Variants in SAMD5 observed in about 807,000 individuals in gnomAD.
SAMD5 encodes the protein sterile alpha motif domain containing 5.
A neutral mutation model predicts 11.3 loss-of-function variants in SAMD5; 13 were observed. That is an observed-to-expected ratio of 1.15 (90% confidence interval 0.75 to 1.83). The LOEUF (loss-of-function observed/expected upper bound fraction) is 1.83. Ranked by LOEUF, SAMD5 falls within the 40% of genes most tolerant of loss-of-function variation. SAMD5 has a pLI of 0.00. For synonymous variants in SAMD5, 129 were observed against 111.3 expected (o/e 1.16, Z -1.00); for missense variants, 255 against 239.1 (o/e 1.07, Z -0.44).
At chr6:147,840,111 G>A in the SAMD5 span, among the ~76,000 whole-genome samples, 1 of 152,160 alleles carries the variant, frequency 6.6e-6, no homozygotes, top group Non-Finnish European at 1.5e-5. Flanking sequence ...GTCTGTATAC[G>A]TAAATTCCCT....
At chr6:147,936,899 C>T in the SAMD5 span, among the ~76,000 whole-genome samples, 1 of 152,036 alleles carries the variant, frequency 6.6e-6, no homozygotes, top group Non-Finnish European at 1.5e-5. Context: ...CGTCATCAGT[C>T]TTGGTATTCA....
At chr6:147,945,548 G>T in the SAMD5 span, among the ~76,000 whole-genome samples, 1 of 152,210 alleles carries the variant, frequency 6.6e-6, no homozygotes. Context: ...TGGAGGTGAT[G>T]TCAGGGATAT....
intron 1 of SAMD5, among the ~76,000 whole-genome samples, chr6:147,511,700 T>C (rs1485142397): frequency 6.6e-6 from 1 of 151,802 alleles, no homozygotes; most frequent in Non-Finnish European, 1.5e-5. Context: ...ATATAATTAA[T>C]GTACACATAT....
the SAMD5 span, among the ~76,000 whole-genome samples, chr6:147,909,632 C>CTTTCTTTCTTTCTT: frequency 5.7e-3 from 351 of 61,146 alleles, 27 homozygotes; most frequent in African/African-American, 7.1e-3. Context: ...TTCTTTCTTT[C>CTTTCTTTCTTTCTT]TCTTTCTTGT....
At chr6:147,924,636 A>T in the SAMD5 span, among the ~76,000 whole-genome samples, 1 of 151,968 alleles carries the variant, frequency 6.6e-6, no homozygotes, top group East Asian at 1.9e-4. Flanking sequence ...AAATAAACCG[A>T]ACAAAACTAA....
At chr6:147,746,471 A>T in the SAMD5 span, among the ~76,000 whole-genome samples, 5 of 152,214 alleles carry the variant, frequency 3.3e-5, no homozygotes, top group African/African-American at 1.2e-4. Context: ...ATTTTATGGT[A>T]CTTACTTTCC....
chr6:147,838,107 TAAGA>T, the SAMD5 span, among the ~76,000 whole-genome samples: 1 of 152,230 alleles, frequency 6.6e-6, no homozygotes, highest in Non-Finnish European at 1.5e-5. Flanking sequence ...CTCAAGAGAC[TAAGA>T]AAGAATTTAA....
the SAMD5 span, among the ~76,000 whole-genome samples, chr6:147,818,015 G>T: frequency 5.3e-5 from 8 of 152,198 alleles, no homozygotes; most frequent in Non-Finnish European, 1.0e-4. Context: ...TTAGTTAAAA[G>T]GGTAGCTTAC....
At chr6:147,896,611 T>C in the SAMD5 span, among the ~76,000 whole-genome samples, 117 of 152,044 alleles carry the variant, frequency 7.7e-4, no homozygotes, top group African/African-American at 2.6e-3. Context: ...GAGCAACAGA[T>C]TGTAATTTTT....
chr6:147,740,532 T>G (rs976079243), downstream of SAMD5, among the ~76,000 whole-genome samples: 1 of 152,200 alleles, frequency 6.6e-6, no homozygotes, highest in African/African-American at 2.4e-5. Context: ...AGTGAAGACA[T>G]GTGCCTCCAC....
At chr6:147,905,887 T>G in the SAMD5 span, among the ~76,000 whole-genome samples, 2 of 152,164 alleles carry the variant, frequency 1.3e-5, no homozygotes, top group African/African-American at 4.8e-5. Flanking sequence ...TATGTAGTTG[T>G]TTTGATATGT....
chr6:147,748,096 T>C, the SAMD5 span, among the ~76,000 whole-genome samples: 6 of 152,226 alleles, frequency 3.9e-5, no homozygotes, highest in African/African-American at 1.4e-4. Flanking sequence ...AACATGTAAT[T>C]ACTTAAGAGT....
At chr6:147,570,956 G>T (rs1789127724), downstream of SAMD5, among the ~76,000 whole-genome samples, 1 of 152,114 alleles carries the variant, frequency 6.6e-6, no homozygotes, top group Non-Finnish European at 1.5e-5. Context: ...CAAATCCTGG[G>T]AAGTATACCT....
At chr6:147,915,912 C>G in the SAMD5 span, among the ~76,000 whole-genome samples, 1 of 126,838 alleles carries the variant, frequency 7.9e-6, no homozygotes, top group Non-Finnish European at 1.6e-5. Context: ...TCCCCCCACC[C>G]CACAACAGGC....
chr6:147,904,976 C>T, the SAMD5 span, among the ~76,000 whole-genome samples: 1 of 151,524 alleles, frequency 6.6e-6, no homozygotes, highest in African/African-American at 2.4e-5. Flanking sequence ...GCAACCTCTG[C>T]CTCCTGGATT....
chr6:147,775,128 T>C, the SAMD5 span, among the ~76,000 whole-genome samples: 1 of 152,098 alleles, frequency 6.6e-6, no homozygotes. Flanking sequence ...AGTCAGTGCT[T>C]CTCAGTCCCC....
the SAMD5 span, among the ~76,000 whole-genome samples, chr6:147,775,601 T>A: frequency 6.6e-6 from 1 of 152,250 alleles, no homozygotes; most frequent in Non-Finnish European, 1.5e-5. Context: ...GAAATGCTTC[T>A]GTTCTCTTTT....
At chr6:147,790,785 TCTCTCTCTCTCTC>T in the SAMD5 span, among the ~76,000 whole-genome samples, 837 of 112,418 alleles carry the variant, frequency 7.4e-3, 3 homozygotes, top group South Asian at 0.025. Context: ...TCTCTCTCTC[TCTCTCTCTCTCTC>T]TCTCTCTCTC....
At chr6:147,751,120 G>GAAAT in the SAMD5 span, among the ~76,000 whole-genome samples, 4 of 152,142 alleles carry the variant, frequency 2.6e-5, 1 homozygote, top group African/African-American at 2.4e-5. Context: ...TCCCATCTCA[G>GAAAT]GGCCTTTGCA....
Sources: allele counts gnomAD v4.1 joint callset (sites outside exome capture counted in the v4.1 genomes callset), GRCh38; gene constraint gnomAD v4.1.1; transcripts MANE v1.5; gene names NCBI Gene and HGNC (gene_info 2026-07-23, HGNC 2026-07-21).